Variants in HIVEP3 observed in about 807,000 individuals in gnomAD.
HIVEP3 encodes the protein HIVEP zinc finger 3, also known as transcription factor HIVEP3.
In HIVEP3, 49 loss-of-function variants were observed where a neutral mutation model predicts 152.8. The observed-to-expected ratio is 0.32, with a 90% CI of 0.26 to 0.41. HIVEP3 has a LOEUF of 0.41. Among genes scored for constraint, HIVEP3 ranks in the 10% least tolerant of loss-of-function variants. HIVEP3 has a pLI of 1.00. For missense variants in HIVEP3, 2,790 were observed against 3,103.3 expected (o/e 0.90, Z 2.40); for synonymous variants, 1,269 against 1,289.0 (o/e 0.98, Z 0.33).
intron 1 of HIVEP3, among the ~76,000 whole-genome samples, chr1:41,783,626 C>T (rs903007867): frequency 3.1e-4 from 47 of 152,290 alleles, no homozygotes; most frequent in African/African-American, 1.0e-3. Flanking sequence ...GACACACACA[C>T]TCGCATAGAT....
At chr1:41,665,495 A>T (rs571452117) in intron 2 of HIVEP3, among the ~76,000 whole-genome samples, 2 of 151,894 alleles carry the variant, frequency 1.3e-5, no homozygotes, top group East Asian at 3.9e-4. Flanking sequence ...TGTAATACAC[A>T]AGCCTGTGTT....
chr1:41,849,746 A>G (rs926421039), intron 1 of HIVEP3, among the ~76,000 whole-genome samples: 3 of 150,256 alleles, frequency 2.0e-5, no homozygotes, highest in African/African-American at 7.4e-5. Flanking sequence ...GCTGGAGTGC[A>G]ATGGCGCAAT....
Position 41,583,317 on chromosome 1 carries a change from C to A in HIVEP3, c.1481G>T (p.Arg494Leu). The change falls in exon 4 of 9, where the codon CGC becomes CTC. Residue 494 changes from arginine (R) to leucine (L), a missense_variant. Around this residue, in one of 9 missense-constraint regions of HIVEP3, gnomAD observed 134 missense variants for 242.5 expected, o/e 0.55. Transcript: ENST00000372583. The surrounding 1 kb of genome is among the most constrained non-coding windows in gnomAD (Gnocchi z 6.9). ...GGATTTTGGGGACTCCATGCTGCTG[C>A]GCCTGGACAGTGAGCTCCGCCTTGG... ...VKPRRSSLSR[R>L]SSMESPKSSL... is the part of the protein sequence containing the mutation. 6.2e-7 allele frequency: 1 copy of A among 1,610,920 alleles called. No individual in the cohort carries two copies. Among genetic ancestry groups the A allele is most frequent in the Non-Finnish European group, 8.5e-7 (1 of 1,178,582 alleles).
intron 1 of HIVEP3, among the ~76,000 whole-genome samples, chr1:41,729,673 T>C (rs1646810153): frequency 6.6e-6 from 1 of 152,168 alleles, no homozygotes; most frequent in Non-Finnish European, 1.5e-5. Flanking sequence ...GGCCACCAGC[T>C]TGTAAGTAGC....
intron 1 of HIVEP3, among the ~76,000 whole-genome samples, chr1:41,900,263 G>C (rs1205123009): frequency 6.6e-6 from 1 of 152,108 alleles, no homozygotes; most frequent in Non-Finnish European, 1.5e-5. Context: ...GCTGCTATAA[G>C]GATTTAATGT....
intron 7 of HIVEP3, among the ~76,000 whole-genome samples, chr1:41,515,081 A>G (rs1642566154): frequency 6.6e-6 from 1 of 152,190 alleles, no homozygotes; most frequent in South Asian, 2.1e-4. Flanking sequence ...TCTGGTCTGC[A>G]GAGTGAGGTT....
At chr1:41,891,115 A>G (rs1644439570) in intron 1 of HIVEP3, among the ~76,000 whole-genome samples, 1 of 152,138 alleles carries the variant, frequency 6.6e-6, no homozygotes, top group African/African-American at 2.4e-5. Flanking sequence ...GCCCTGCTTT[A>G]GGCCTGATCT....
intron 1 of HIVEP3, among the ~76,000 whole-genome samples, chr1:41,849,457 T>A (rs770015082): frequency 3.3e-5 from 5 of 152,202 alleles, no homozygotes; most frequent in Non-Finnish European, 7.3e-5. Flanking sequence ...GCCTCCTTGC[T>A]AACCCCTCCT....
Position 41,582,105 on chromosome 1 carries a change from G to C in HIVEP3, c.2693C>G (p.Ala898Gly). 1 of 1,614,190 alleles carries C rather than the reference G, an allele frequency of 6.2e-7. No homozygotes were observed. The highest frequency in any genetic ancestry group is 8.5e-7 in the Non-Finnish European group (1 of 1,180,036). Residue 898 changes from alanine to glycine, a missense_variant, in exon 4 of 9, where the codon GCT becomes GGT. Around this residue, in one of 9 missense-constraint regions of HIVEP3, gnomAD observed 1,078 missense variants for 1,165.3 expected, o/e 0.93. Transcript: ENST00000372583. This position sits in a 1 kb window ranked among gnomAD's most constrained non-coding sequence, Gnocchi z 4.7. ...CTTCTTTTTGGGTGGCAGCTTCTCA[G>C]CTGGGAGCTGGGCAAGTGTCTGGCT... is the stretch of plus-strand genomic sequence containing the variant. ...QRSQTLAQLPAEKLPPKKKRL... is the reference protein window; with the variant it reads ...QRSQTLAQLPGEKLPPKKKRL...
chr1:41,838,810 G>T (rs1643202139), intron 1 of HIVEP3, among the ~76,000 whole-genome samples: 1 of 152,132 alleles, frequency 6.6e-6, no homozygotes, highest in South Asian at 2.1e-4. Context: ...CACATGCTAG[G>T]AAGGGTAATA....
intron 1 of HIVEP3, among the ~76,000 whole-genome samples, chr1:41,857,306 A>G (rs1184398516): frequency 6.6e-6 from 1 of 152,192 alleles, no homozygotes; most frequent in African/African-American, 2.4e-5. Flanking sequence ...GACAAGAGTT[A>G]TTTGTACTAC....
intron 1 of HIVEP3, among the ~76,000 whole-genome samples, chr1:41,741,695 G>A (rs570308092): frequency 1.1e-4 from 17 of 152,350 alleles, no homozygotes; most frequent in South Asian, 4.1e-4. Context: ...CCCATGGGGC[G>A]TCGGGATGAG....
At chr1:41,774,772 TTTTATTTATTTATTTATTTA>T (rs199947047) in intron 1 of HIVEP3, among the ~76,000 whole-genome samples, 5 of 143,788 alleles carry the variant, frequency 3.5e-5, no homozygotes, top group Admixed American at 2.8e-4. Flanking sequence ...GCATCTTTTA[TTTTATTTATTTATTTATTTA>T]TTTATTTATT....
intron 1 of HIVEP3, among the ~76,000 whole-genome samples, chr1:41,739,147 G>A (rs1264311202): frequency 1.3e-5 from 2 of 152,244 alleles, no homozygotes; most frequent in Non-Finnish European, 2.9e-5. Context: ...AGCCCAAGGA[G>A]CCCGCGCCGC....
intron 5 of HIVEP3, among the ~76,000 whole-genome samples, chr1:41,532,178 T>G (rs1163433271): frequency 1.9e-4 from 18 of 93,668 alleles, no homozygotes; most frequent in South Asian, 6.7e-4. Flanking sequence ...ACAGGGGAGA[T>G]GGAGGACAAG....
rs1317963727 is a variant in HIVEP3, at chr1:41,628,895, C to T, written c.-668G>A. On this transcript the variant is annotated 5_prime_UTR_variant, in exon 3 of 9. Transcript: ENST00000372583. The stretch of plus-strand genomic sequence containing the variant: ...GGGCGGGCTTGCTTGGCCAGGACCC[C>T]GCGAGGCTCCTCCATGAACTAGGTT... 1.6e-5 allele frequency: 20 copies of T among 1,231,680 alleles called. No homozygotes were observed. The highest frequency in any genetic ancestry group is 7.8e-5 in the African/African-American group (5 of 64,406). The allele number at this position is 1,231,680 out of a possible 1,614,324, so 76.3% of individuals were successfully genotyped here.
At chr1:41,959,175 C>T (rs183247828) in intron 1 of HIVEP3, among the ~76,000 whole-genome samples, 41 of 152,228 alleles carry the variant, frequency 2.7e-4, no homozygotes, top group Non-Finnish European at 4.6e-4. Context: ...ACATTCAAAC[C>T]GCTAGCCACA....
At chr1:41,890,884 A>G (rs1644436005) in intron 1 of HIVEP3, among the ~76,000 whole-genome samples, 3 of 152,236 alleles carry the variant, frequency 2.0e-5, no homozygotes, top group African/African-American at 7.2e-5. Flanking sequence ...CAGCTCTCCC[A>G]TTCCTTACTA....
intron 3 of HIVEP3, among the ~76,000 whole-genome samples, chr1:41,624,389 G>A (rs1389158229): frequency 6.6e-6 from 1 of 152,176 alleles, no homozygotes; most frequent in Admixed American, 6.5e-5. Flanking sequence ...ATTCAAACAT[G>A]CTCTATAGCA....
Sources: gnomAD v4.1 joint callset for allele counts (sites outside exome capture counted in the v4.1 genomes callset) on GRCh38, gnomAD v4.1.1 for gene constraint, gnomAD v4.1.1 regional missense constraint, Gnocchi (gnomAD v3.1) non-coding constraint, MANE v1.5 for transcripts, NCBI Gene and HGNC (gene_info 2026-07-23, HGNC 2026-07-21) for gene names.